HMGCLL1: variants seen among roughly 807,000 people sequenced by gnomAD.
HMGCLL1 encodes 3-hydroxy-3-methylglutaryl-CoA lyase like 1, also known as 3-hydroxymethyl-3-methylglutaryl-CoA lyase, cytoplasmic.
HMGCLL1 carries 36 observed loss-of-function variants against 39.1 expected under a neutral mutation model. That is an observed-to-expected ratio of 0.92 (90% CI 0.71 to 1.22). The LOEUF is 1.22. HMGCLL1 is among the 50% of genes most tolerant of loss of function. The pLI, the probability that HMGCLL1 is intolerant of heterozygous loss-of-function variation, is 0.00. For synonymous variants in HMGCLL1, 149 were observed against 144.0 expected, an observed-to-expected ratio of 1.03 and a Z score of -0.25; for missense variants, 451 against 416.5, an observed-to-expected ratio of 1.08 and a Z score of -0.72.
chr6:55,586,242 T>C, the HMGCLL1 span, among the ~76,000 whole-genome samples: 1 of 151,988 alleles, frequency 6.6e-6, no homozygotes, highest in East Asian at 1.9e-4. Flanking sequence ...CGTTTAACTA[T>C]GATAATAAGA....
chr6:55,600,499 T>C, the HMGCLL1 span, among the ~76,000 whole-genome samples: 2 of 152,118 alleles, frequency 1.3e-5, no homozygotes, highest in South Asian at 2.1e-4. Context: ...TGAGTAGATT[T>C]AATTAAATAA....
the HMGCLL1 span, among the ~76,000 whole-genome samples, chr6:55,677,230 C>G: frequency 3.9e-4 from 59 of 152,224 alleles, no homozygotes; most frequent in African/African-American, 1.4e-3. Flanking sequence ...GACTCCGACT[C>G]TACAAAACAA....
At chr6:55,524,462 T>G (rs1768202506) in intron 3 of HMGCLL1, among the ~76,000 whole-genome samples, 1 of 53,512 alleles carries the variant, frequency 1.9e-5, no homozygotes, top group African/African-American at 6.6e-5. Context: ...TTTATAGTCT[T>G]TAAAAAAAAA....
At chr6:55,518,053 C>T (rs894568759) in intron 3 of HMGCLL1, among the ~76,000 whole-genome samples, 1 of 152,152 alleles carries the variant, frequency 6.6e-6, no homozygotes, top group African/African-American at 2.4e-5. Flanking sequence ...AAAGTGATAT[C>T]TCTCATTTCA....
chr6:55,667,936 T>A, the HMGCLL1 span, among the ~76,000 whole-genome samples: 7 of 151,804 alleles, frequency 4.6e-5, no homozygotes, highest in Non-Finnish European at 8.8e-5. Context: ...TTGTTTTATG[T>A]TTTTTATGTT....
At chr6:55,595,905 T>C in the HMGCLL1 span, among the ~76,000 whole-genome samples, 4 of 152,350 alleles carry the variant, frequency 2.6e-5, no homozygotes, top group Admixed American at 6.5e-5. Context: ...TGGTCATCTT[T>C]GATCTGATTT....
intron 7 of HMGCLL1, among the ~76,000 whole-genome samples, chr6:55,473,467 A>G (rs977771877): frequency 3.3e-5 from 5 of 151,350 alleles, no homozygotes; most frequent in Non-Finnish European, 7.4e-5. Context: ...TCCACCTTCA[A>G]ATAATACTAT....
intron 7 of HMGCLL1, among the ~76,000 whole-genome samples, chr6:55,474,354 T>A (rs774848694): frequency 4.0e-5 from 6 of 151,632 alleles, no homozygotes; most frequent in Non-Finnish European, 8.9e-5. Flanking sequence ...TTATGAAGTG[T>A]CTACTGACAT....
intron 1 of HMGCLL1, among the ~76,000 whole-genome samples, chr6:55,546,308 T>C (rs1395705198): frequency 2.0e-5 from 3 of 152,174 alleles, no homozygotes; most frequent in African/African-American, 7.2e-5. Context: ...AGTTATTTCA[T>C]TTCTGTATTT....
chr6:55,626,632 C>T, the HMGCLL1 span, among the ~76,000 whole-genome samples: 2 of 152,032 alleles, frequency 1.3e-5, no homozygotes, highest in African/African-American at 4.8e-5. Flanking sequence ...CTCACCATCA[C>T]CCGTAGTGAT....
chr6:55,459,151 G>C (rs1382825976), intron 7 of HMGCLL1, among the ~76,000 whole-genome samples: 1 of 152,084 alleles, frequency 6.6e-6, no homozygotes, highest in Non-Finnish European at 1.5e-5. Context: ...CAGCTAAAGA[G>C]TAAATCATGC....
At chr6:55,539,105 G>A (rs927207640) in intron 3 of HMGCLL1, among the ~76,000 whole-genome samples, 9 of 152,178 alleles carry the variant, frequency 5.9e-5, no homozygotes, top group Non-Finnish European at 1.2e-4. Context: ...TATGGACAAA[G>A]AGGCAGGACA....
the HMGCLL1 span, among the ~76,000 whole-genome samples, chr6:55,650,086 TATAC>T: frequency 9.8e-5 from 5 of 51,158 alleles, no homozygotes; most frequent in South Asian, 7.3e-4. Context: ...TACACACACA[TATAC>T]ATATATATAT....
In HMGCLL1 at chr6:55,439,536, G is replaced by A. The variant is rs186128280; in HGVS notation, c.819C>T (p.Ser273=). The A allele has an allele frequency of 5.1e-4, 823 of 1,612,594 alleles. 3 individuals carry two copies. The African/African-American group carries it at 9.1e-3, about 18-fold the overall frequency. ...GGCAGCCACCTAATCCGGATACTGC[G>A]GAGTCCACCACATTAATTCCCATCT... ...ALQMGINVVD[S]AVSGLGGCPY... Residue 273 remains serine, a synonymous_variant, in exon 8 of 9, where the codon TCC becomes TCT. Coordinates refer to ENST00000274901, the MANE Select transcript of HMGCLL1 (RefSeq NM_001042406.2).
chr6:55,506,191 G>C (rs1767153400), intron 5 of HMGCLL1, among the ~76,000 whole-genome samples: 1 of 151,698 alleles, frequency 6.6e-6, no homozygotes, highest in South Asian at 2.1e-4. Flanking sequence ...GCCAGACATA[G>C]AGACTGGTTC....
chr6:55,514,952 C>T (rs1022758717), intron 4 of HMGCLL1, among the ~76,000 whole-genome samples: 1 of 152,024 alleles, frequency 6.6e-6, no homozygotes, highest in African/African-American at 2.4e-5. Flanking sequence ...TTGCTAATCC[C>T]CCATTAACAC....
chr6:55,655,536 G>GTAGATAGATAGA, the HMGCLL1 span, among the ~76,000 whole-genome samples: 20,496 of 147,496 alleles, frequency 0.14, 1,530 homozygotes, highest in East Asian at 0.18. Context: ...AGTTATATTG[G>GTAGATAGATAGA]TAGATAGATA....
the HMGCLL1 span, among the ~76,000 whole-genome samples, chr6:55,607,394 T>C: frequency 6.6e-6 from 1 of 152,146 alleles, no homozygotes; most frequent in South Asian, 2.1e-4. Context: ...GAGCAGGTAA[T>C]GTGGTGGATG....
intron 7 of HMGCLL1, among the ~76,000 whole-genome samples, chr6:55,463,221 G>A (rs993017915): frequency 2.6e-5 from 4 of 151,530 alleles, no homozygotes; most frequent in Non-Finnish European, 5.9e-5. Flanking sequence ...TAGTAGAGAC[G>A]GGGTTTCACT....
Sources: gnomAD v4.1 joint callset for allele counts (sites outside exome capture counted in the v4.1 genomes callset) on GRCh38, gnomAD v4.1.1 for gene constraint, MANE v1.5 for transcripts, NCBI Gene and HGNC (gene_info 2026-07-23, HGNC 2026-07-21) for gene names.